PLEKHA5: variants seen among roughly 807,000 people sequenced by gnomAD.
PLEKHA5 encodes the protein pleckstrin homology domain containing A5.
Under a neutral mutation model 181.9 loss-of-function variants are expected in PLEKHA5, and 55 were observed. The ratio of observed to expected loss-of-function variants is 0.30; its 90% CI spans 0.24 to 0.38. The LOEUF (loss-of-function observed/expected upper bound fraction) is 0.38, where lower values mean the gene tolerates loss of function less well. PLEKHA5 is among the 10% of genes least tolerant of loss of function. The pLI is 1.00. For synonymous variants in PLEKHA5, 535 were observed against 529.4 expected (o/e 1.01, Z -0.15); for missense variants, 1,432 against 1,549.5 (o/e 0.92, Z 1.27).
intron 13 of PLEKHA5, among the ~76,000 whole-genome samples, chr12:19,289,536 TA>T (rs1314392903): frequency 7.9e-5 from 12 of 152,242 alleles, no homozygotes; most frequent in Non-Finnish European, 1.6e-4. Context: ...TTTCAGTTGT[TA>T]ATCATAACAA....
chr12:19,245,087 C>T (rs532333205), intron 3 of PLEKHA5, among the ~76,000 whole-genome samples: 1 of 152,180 alleles, frequency 6.6e-6, no homozygotes, highest in African/African-American at 2.4e-5. Flanking sequence ...GAAACAAAAT[C>T]TCTAAAGGTC....
chr12:19,332,842 G>T (rs2092985234), intron 20 of PLEKHA5, among the ~76,000 whole-genome samples: 1 of 152,124 alleles, frequency 6.6e-6, no homozygotes, highest in Non-Finnish European at 1.5e-5. Context: ...ACTTTGCAGA[G>T]ATGGGATTTC....
chr12:19,256,648 A>G (rs1220428797), intron 5 of PLEKHA5, among the ~76,000 whole-genome samples: 3 of 152,202 alleles, frequency 2.0e-5, no homozygotes, highest in African/African-American at 7.2e-5. Context: ...ATACTAATAA[A>G]AGCTTCCCAA....
At chr12:19,202,226 T>C (rs1255315522) in intron 3 of PLEKHA5, among the ~76,000 whole-genome samples, 1 of 152,110 alleles carries the variant, frequency 6.6e-6, no homozygotes, top group Non-Finnish European at 1.5e-5. Flanking sequence ...TATTCACTTA[T>C]CTGTGTGACA....
At chr12:19,166,244 A>G (rs1319287237) in intron 3 of PLEKHA5, among the ~76,000 whole-genome samples, 1 of 152,124 alleles carries the variant, frequency 6.6e-6, no homozygotes, top group African/African-American at 2.4e-5. Context: ...AGAAAGTTCA[A>G]CTTAAACTTA....
chr12:19,133,109 C>T (rs1330087641), intron 3 of PLEKHA5, among the ~76,000 whole-genome samples: 1 of 151,756 alleles, frequency 6.6e-6, no homozygotes, highest in Non-Finnish European at 1.5e-5. Context: ...ATTTTTGCCT[C>T]AGTTTATTTA....
intron 3 of PLEKHA5, among the ~76,000 whole-genome samples, chr12:19,158,093 C>T (rs1163110586): frequency 1.3e-5 from 2 of 152,042 alleles, no homozygotes; most frequent in Non-Finnish European, 2.9e-5. Flanking sequence ...TTACTCATGC[C>T]TGTAATGCTA....
intron 16 of PLEKHA5, 87 bp from the exon 17 acceptor site, chr12:19,319,934 T>G: frequency 1.2e-6 from 1 of 843,426 alleles, no homozygotes; most frequent in Non-Finnish European, 1.8e-6. Flanking sequence ...TATCCATAGT[T>G]TATAACATAG....
intron 3 of PLEKHA5, among the ~76,000 whole-genome samples, chr12:19,213,181 C>T (rs34986853): frequency 0.093 from 14,171 of 151,914 alleles, 801 homozygotes; most frequent in Admixed American, 0.19. Context: ...TTGTGTGCAG[C>T]GGCATGGATG....
chr12:19,135,003 T>A (rs1046542791), intron 3 of PLEKHA5, among the ~76,000 whole-genome samples: 1 of 152,074 alleles, frequency 6.6e-6, no homozygotes, highest in African/African-American at 2.4e-5. Context: ...CGGGGTGGAT[T>A]TTGTTCACAT....
At chr12:19,268,351 G>A (rs561710941) in intron 8 of PLEKHA5, among the ~76,000 whole-genome samples, 1 of 152,016 alleles carries the variant, frequency 6.6e-6, no homozygotes, top group Non-Finnish European at 1.5e-5. Flanking sequence ...ACTTTTTTCT[G>A]CGTTTTTAGA....
At chr12:19,288,092 A>G (rs1373467846) in intron 13 of PLEKHA5, 6 of 333,506 alleles carry the variant, frequency 1.8e-5, no homozygotes, top group East Asian at 8.5e-5. Flanking sequence ...AAAAAAAAAA[A>G]AAAAAGAAAC....
At chr12:19,189,761 A>G (rs149830101) in intron 3 of PLEKHA5, among the ~76,000 whole-genome samples, 1 of 152,318 alleles carries the variant, frequency 6.6e-6, no homozygotes, top group African/African-American at 2.4e-5. Flanking sequence ...GTGTAGACCA[A>G]TGATAAGGAC....
chr12:19,324,735 T>C (rs1246128385), intron 20 of PLEKHA5, among the ~76,000 whole-genome samples: 4 of 152,082 alleles, frequency 2.6e-5, no homozygotes, highest in African/African-American at 4.8e-5. Context: ...GATGAGAACA[T>C]AGGAGACATG....
intron 28 of PLEKHA5, among the ~76,000 whole-genome samples, chr12:19,360,566 A>G (rs1592632843): frequency 6.6e-6 from 1 of 151,832 alleles, no homozygotes. Context: ...ATCGCGCCAC[A>G]CTACCCTGCA....
intron 15 of PLEKHA5, among the ~76,000 whole-genome samples, chr12:19,300,406 AT>A (rs2152907788): frequency 6.6e-6 from 1 of 152,308 alleles, no homozygotes; most frequent in South Asian, 2.1e-4. Context: ...ATACAATTCT[AT>A]TTTTATTTAC....
intron 3 of PLEKHA5, chr12:19,201,192 A>T (rs932837136): frequency 1.4e-4 from 22 of 152,210 alleles, no homozygotes; most frequent in African/African-American, 5.1e-4. Flanking sequence ...TGAGGGAAAA[A>T]TTTAAATATA....
At chr12:19,304,906 C>A (rs577820665) in intron 15 of PLEKHA5, among the ~76,000 whole-genome samples, 140 of 152,044 alleles carry the variant, frequency 9.2e-4, no homozygotes, top group Non-Finnish European at 1.8e-3. Context: ...ACTAGCCTGG[C>A]CAACATGGCG....
intron 3 of PLEKHA5, among the ~76,000 whole-genome samples, chr12:19,180,011 G>T (rs781129069): frequency 2.6e-5 from 4 of 152,100 alleles, no homozygotes; most frequent in Non-Finnish European, 5.9e-5. Context: ...CTGGCTAACA[G>T]GATAAATTTA....
Sources: allele counts gnomAD v4.1 joint callset (sites outside exome capture counted in the v4.1 genomes callset), GRCh38; gene constraint gnomAD v4.1.1; transcripts MANE v1.5; gene names NCBI Gene and HGNC (gene_info 2026-07-23, HGNC 2026-07-21).